AP3D1: variants seen among roughly 807,000 people sequenced by gnomAD.
AP3D1 encodes AP-3 complex subunit delta-1.
A neutral mutation model predicts 147.6 loss-of-function variants in AP3D1; 51 were observed. The observed-to-expected ratio is 0.35, with a 90% CI of 0.28 to 0.44. The LOEUF (loss-of-function observed/expected upper bound fraction) is 0.44, where lower values mean the gene tolerates loss of function less well. Ranked by LOEUF, AP3D1 falls within the 20% of genes least tolerant of loss-of-function variation. The probability of loss-of-function intolerance (pLI) is 1.00; values close to 1 mark genes in which losing one functional copy is unlikely to be tolerated. For synonymous variants in AP3D1, 760 were observed against 663.0 expected, an observed-to-expected ratio of 1.15 and a Z score of -2.25; for missense variants, 1,421 against 1,624.2, an observed-to-expected ratio of 0.87 and a Z score of 2.15.
In AP3D1 at chr19:2,115,745, C is replaced by A. The variant is rs1055478104; in HGVS notation, c.2074-132G>T. The A allele has an allele frequency of 3.2e-6, 3 of 938,880 alleles. No individual in the cohort carries two copies. The South Asian group carries it at 5.1e-5, about 16-fold the overall frequency. The allele number at this position is 938,880 out of a possible 1,614,324, so 58.2% of individuals were successfully genotyped here. A position where few individuals can be genotyped will look rare whatever the true frequency, so the allele number is the denominator to read the frequency against. On this transcript the variant is annotated intron_variant, in intron 18 of 31. Coordinates refer to ENST00000643116, the MANE Select transcript of AP3D1 (RefSeq NM_001261826.3). ...GCTGGGGTCCTGCCAGAGCCCTGGG[C>A]CGCGAGGAGCGCCGTGAGCGAGCGC... is the stretch of plus-strand genomic sequence containing the variant.
intron 1 of AP3D1, among the ~76,000 whole-genome samples, chr19:2,145,579 A>G (rs1176804360): frequency 6.6e-6 from 1 of 152,174 alleles, no homozygotes; most frequent in Non-Finnish European, 1.5e-5. Flanking sequence ...TGATGTCCAC[A>G]GTGCCACGGC....
At chr19:2,151,726 G>C (rs574319140), upstream of AP3D1, among the ~76,000 whole-genome samples, 5 of 152,316 alleles carry the variant, frequency 3.3e-5, no homozygotes, top group South Asian at 8.3e-4. Flanking sequence ...TCTCCTGCGC[G>C]CGGCCCCGCC....
chr19:2,134,319 G>A lies in AP3D1; in HGVS notation c.355-1741C>T, dbSNP rs372070929. 7.4e-4 allele frequency among the ~76,000 whole-genome samples: 113 copies of A among 152,172 alleles called. No homozygotes were observed. The Middle Eastern group carries it at 0.014, about 18-fold the overall frequency. Reference sequence around the variant, plus strand: ...GCCTGCAGTCCCAGCTACTCAGGAGGCTAAGGTGGGGAGATCGCTTGAGCC... The same window carrying A: ...GCCTGCAGTCCCAGCTACTCAGGAGACTAAGGTGGGGAGATCGCTTGAGCC... On this transcript the variant is annotated intron_variant, in intron 4 of 31. Transcript: ENST00000643116.
Position 2,111,734 on chromosome 19 carries a change from T to C in AP3D1, c.2882A>G (p.Glu961Gly). 1 of 1,607,214 alleles carries C rather than the reference T, an allele frequency of 6.2e-7. No individual in the cohort carries two copies. Among genetic ancestry groups the C allele is most frequent in the Non-Finnish European group, 8.5e-7 (1 of 1,177,214 alleles). The change falls in exon 25 of 32, where the codon GAG (glutamate) becomes GGG (glycine). Residue 961 changes from glutamate (E) to glycine (G), a missense_variant. This residue lies in a region of AP3D1 where 791 missense variants were observed against 761.4 expected (regional missense o/e 1.04). Transcript: ENST00000643116. ...KKSKKQPPGS[E>G]EAAGEPVQNG... ...CTGCACCGGCTCCCCCGCTGCCTCC[T>C]CGCTGCCTGGAGGCTGCTTCTTGGA...
At chr19:2,109,983 G>GT (rs751818228) in intron 28 of AP3D1, 25 bp from the exon 29 acceptor site, 3 of 1,612,082 alleles carry the variant, frequency 1.9e-6, no homozygotes, top group Non-Finnish European at 2.5e-6. Flanking sequence ...AGGTGGTGCA[G>GT]TTGAGAGGGG....
At chr19:2,112,117 A>G in intron 24 of AP3D1, 1 of 485,800 alleles carries the variant, frequency 2.1e-6, no homozygotes, top group Non-Finnish European at 3.8e-6. Flanking sequence ...ACCACACTTG[A>G]CGCAGCAACC....
At chr19:2,141,904 C>T (rs2019229490) in intron 1 of AP3D1, among the ~76,000 whole-genome samples, 1 of 151,102 alleles carries the variant, frequency 6.6e-6, no homozygotes, top group East Asian at 1.9e-4. Context: ...GCCATGCCAC[C>T]ATATTGGGCG....
At chr19:2,102,463 T>C (rs1035464418) in intron 31 of AP3D1, among the ~76,000 whole-genome samples, 195 bp from the exon 32 acceptor site, 4 of 152,002 alleles carry the variant, frequency 2.6e-5, no homozygotes, top group Admixed American at 6.6e-5. Context: ...GTGCGGTGGC[T>C]CACGCCTGTA....
intron 8 of AP3D1, 117 bp from the exon 9 acceptor site, chr19:2,127,318 C>T: frequency 9.0e-7 from 1 of 1,115,184 alleles, no homozygotes. Context: ...GGGAGTGTGC[C>T]CCAGGAGGGA....
chr19:2,128,189 T>C (rs2018814028), intron 8 of AP3D1, among the ~76,000 whole-genome samples: 1 of 152,068 alleles, frequency 6.6e-6, no homozygotes, highest in South Asian at 2.1e-4. Flanking sequence ...GGAATTAAAG[T>C]GTCCCCTTCT....
chr19:2,118,054 G>A (rs983943408), intron 15 of AP3D1, among the ~76,000 whole-genome samples: 1 of 152,174 alleles, frequency 6.6e-6, no homozygotes. Flanking sequence ...CAGCTACTAG[G>A]GAGGCTGAGG....
chr19:2,149,299 A>G lies in AP3D1; in HGVS notation c.96+1940T>C, dbSNP rs111993218. Among the ~76,000 whole-genome samples the G allele has an allele frequency of 9.2e-3, 1,393 of 152,172 alleles. 21 individuals are homozygous for G. Among genetic ancestry groups the G allele is most frequent in the African/African-American group, 0.032 (1,308 of 41,514 alleles). On this transcript the variant is annotated intron_variant, in intron 1 of 31. Coordinates refer to ENST00000643116, the MANE Select transcript of AP3D1 (RefSeq NM_001261826.3). ...AGTGGCTCACGCCTGTAATTCTAAC[A>G]CTCTGGGAGGCTAAGGCGGGTGGAT...
Position 2,138,732 on chromosome 19 carries a change from C to T in AP3D1, c.97-18G>A. On this transcript the variant is annotated intron_variant, in intron 1 of 31. Coordinates refer to ENST00000643116, the MANE Select transcript of AP3D1 (RefSeq NM_001261826.3). ...TATTTTGCCTATAATGGGGGATAAA[C>T]ACAGAGATTACAAACATCCAGCTAA... The T allele has an allele frequency of 6.4e-7, 1 of 1,557,232 alleles. No homozygotes were observed. The highest frequency in any genetic ancestry group is 8.8e-7 in the Non-Finnish European group (1 of 1,131,280).
intron 14 of AP3D1, among the ~76,000 whole-genome samples, chr19:2,120,646 C>T (rs932908615): frequency 5.3e-5 from 8 of 152,208 alleles, no homozygotes; most frequent in African/African-American, 1.9e-4. Flanking sequence ...TGCCCGAGGG[C>T]AGAGGGCAGA....
rs2018979237 is a variant in AP3D1 at position 2,132,567 on chromosome 19, G to A, written c.366C>T (p.Ser122=). Residue 122 remains serine (S), a synonymous_variant, in exon 5 of 32, where the codon AGC becomes AGT. Transcript: ENST00000643116. The part of the protein sequence containing the change: ...TTNQIRKDLS[S]PSQYDTGVAL... Reference sequence around the variant, plus strand: ...CAACACCTGTGTCGTACTGGCTGGGGCTGCTCAAGTCCTGGAAAGTGAGAG... The same window carrying A: ...CAACACCTGTGTCGTACTGGCTGGGACTGCTCAAGTCCTGGAAAGTGAGAG... The A allele has an allele frequency of 6.2e-7, 1 of 1,603,888 alleles. No homozygotes were observed. The highest frequency in any genetic ancestry group is 1.3e-5 in the African/African-American group (1 of 74,776).
chr19:2,149,001 G>A (rs1106861), intron 1 of AP3D1, among the ~76,000 whole-genome samples: 6,130 of 152,182 alleles, frequency 0.04, 195 homozygotes, highest in East Asian at 0.14. Context: ...TGGGGGTGCT[G>A]GAGGTACAAC....
chr19:2,118,470 AG>A, intron 15 of AP3D1, 130 bp downstream of exon 15: 1 of 893,636 alleles, frequency 1.1e-6, no homozygotes, highest in Non-Finnish European at 1.7e-6. Context: ...AGCTGGCACA[AG>A]TGGCAACAAA....
intron 1 of AP3D1, among the ~76,000 whole-genome samples, chr19:2,161,167 T>G (rs1454133487): frequency 1.3e-5 from 2 of 148,982 alleles, no homozygotes; most frequent in Non-Finnish European, 3.0e-5. Flanking sequence ...TTTTTTTTTT[T>G]TTTTTTTTTT....
chr19:2,112,652 CTA>C (rs1418739374), intron 24 of AP3D1: 1 of 534,994 alleles, frequency 1.9e-6, no homozygotes, highest in Non-Finnish European at 3.3e-6. Context: ...TGAATAAACT[CTA>C]TGAGACTTAT....
Sources: allele counts gnomAD v4.1 joint callset (sites outside exome capture counted in the v4.1 genomes callset), GRCh38; gene constraint gnomAD v4.1.1; regional missense constraint gnomAD v4.1.1; transcripts MANE v1.5; gene names NCBI Gene and HGNC (gene_info 2026-07-23, HGNC 2026-07-21).